The following SURF6 variants were observed in gnomAD, a reference collection of about 807,000 sequenced individuals.
SURF6 encodes the protein surfeit 6.
A neutral mutation model predicts 37.5 loss-of-function variants in SURF6; 28 were observed. The observed-to-expected ratio is 0.75, with a 90% CI of 0.55 to 1.02. SURF6 has a LOEUF of 1.02. Among genes scored for constraint, SURF6 ranks in the 50% least tolerant of loss-of-function variants. The pLI, the probability that SURF6 is intolerant of heterozygous loss-of-function variation, is 0.00. For missense variants in SURF6, 560 were observed against 490.5 expected, an observed-to-expected ratio of 1.14 and a Z score of -1.34; for synonymous variants, 248 against 210.9, an observed-to-expected ratio of 1.18 and a Z score of -1.52.
At chr9:133,334,957 T>C (rs1835836449) in intron 1 of SURF6, among the ~76,000 whole-genome samples, 2 of 152,308 alleles carry the variant, frequency 1.3e-5, no homozygotes, top group African/African-American at 2.4e-5. Flanking sequence ...CTGGGGGTTA[T>C]GTTTACATTT....
At position 133,332,230 on chromosome 9, in the gene SURF6, C is replaced by A. The variant is rs782459268; in HGVS notation, c.725G>T (p.Arg242Leu). ...CAGCCGGCTCTGCCGTGCCTGCAGG[C>A]GCTCCAGCAGCTGCCGGTAGTTCCT... ...TGRNYRQLLE[R>L]LQARQSRLDE... Residue 242 changes from arginine (R) to leucine (L), a missense_variant, in exon 5 of 5, where the codon CGC becomes CTC. Physicochemically the swap from Arg to Leu is moderately radical, Grantham distance 102 (BLOSUM62 -2). Transcript: ENST00000372022. 1 of 1,606,308 alleles carries A rather than the reference C, an allele frequency of 6.2e-7. No individual in the cohort carries two copies. Among genetic ancestry groups the A allele is most frequent in the Non-Finnish European group, 8.5e-7 (1 of 1,179,888 alleles).
At chr9:133,335,464 G>T (rs1417559117) in intron 1 of SURF6, among the ~76,000 whole-genome samples, 1 of 152,046 alleles carries the variant, frequency 6.6e-6, no homozygotes, top group East Asian at 1.9e-4. Flanking sequence ...ACCTCTGGTG[G>T]TTCCAGAGAC....
chr9:133,332,559 T>C lies in SURF6; in HGVS notation c.595A>G (p.Ile199Val), dbSNP rs2129919008. ...CAGCTCCCGCTCACCTTATTGAAGA[T>C]CAGCCCGGGCGGCTCCCGCGGCTCC... ...CTEPREPPGL[I>V]FNKVEVSEDE... The change falls in exon 4 of 5, where the codon ATC (isoleucine) becomes GTC (valine). Residue 199 changes from isoleucine to valine, a missense_variant. Ile to Val is a conservative substitution (Grantham distance 29). Coordinates refer to ENST00000372022, the MANE Select transcript of SURF6 (RefSeq NM_006753.6). 42 of 1,608,656 alleles carry C rather than the reference T, an allele frequency of 2.6e-5. No homozygotes were observed. The highest frequency in any genetic ancestry group is 3.5e-5 in the Non-Finnish European group (41 of 1,179,824).
At position 133,332,614 on chromosome 9, in the gene SURF6, C is replaced by T. The variant is rs2129920046; in HGVS notation, c.540G>A (p.Val180=). The change falls in exon 4 of 5, where the codon GTG becomes GTA. Residue 180 remains valine, a synonymous_variant. Transcript: ENST00000372022. ...KAEEATEAQE[V]VEATPEGACT... is the part of the protein sequence containing the mutation. ...AGGCCCCCTCTGGGGTTGCCTCCAC[C>T]ACCTCCTGGGCCTCCGTGGCCTCCT... 6.2e-7 allele frequency: 1 copy of T among 1,610,858 alleles called. No individual in the cohort carries two copies. Among genetic ancestry groups the T allele is most frequent in the South Asian group, 1.1e-5 (1 of 91,074 alleles).
At chr9:133,335,307 G>A (rs1237195492) in intron 1 of SURF6, among the ~76,000 whole-genome samples, 1 of 142,242 alleles carries the variant, frequency 7.0e-6, no homozygotes, top group African/African-American at 2.7e-5. Flanking sequence ...AGTAGGAGCT[G>A]AATCGTTTTA....
intron 3 of SURF6, 111 bp downstream of exon 3, chr9:133,333,607 C>T (rs1159182206): frequency 5.1e-6 from 5 of 980,234 alleles, no homozygotes; most frequent in Non-Finnish European, 6.3e-6. Context: ...TGGGGCCCTG[C>T]CAGACTCGCT....
rs2129905697 is a variant in SURF6, at chr9:133,330,260, A to C, written c.*1609T>G. On this transcript the variant is annotated 3_prime_UTR_variant, in exon 5 of 5. Coordinates refer to ENST00000372022, the MANE Select transcript of SURF6 (RefSeq NM_006753.6). ...AAATCTTAAATTTTTTCTTTTTGAG[A>C]CAGTCTTGCTCTGTCACCCAGGCTG... 7 of 151,926 alleles carry C rather than the reference A, an allele frequency of 4.6e-5. No individual in the cohort carries two copies. The highest frequency in any genetic ancestry group is 1.7e-4 in the African/African-American group (7 of 41,342). 9.4% of individuals were successfully genotyped at this position (151,926 alleles called of 1,614,324 possible). A position where few individuals can be genotyped will look rare whatever the true frequency, so the allele number is the denominator to read the frequency against.
chr9:133,330,133 TAC>T lies in SURF6; in HGVS notation c.*1734_*1735del, dbSNP rs1447704181. ...GCTTATTTTTCTTTAGCTTTAAAAA[TAC>T]AGACATACAGCGTATGTGTGTATAA... is the stretch of plus-strand genomic sequence containing the variant. On this transcript the variant is annotated 3_prime_UTR_variant, in exon 5 of 5. Transcript: ENST00000372022. 6.6e-6 allele frequency: 1 copy of T among 152,266 alleles called. No individual in the cohort carries two copies. 9.4% of individuals were successfully genotyped at this position (152,266 alleles called of 1,614,324 possible).
Position 133,333,873 on chromosome 9 carries a change from G to A in SURF6, c.305-67C>T, listed in dbSNP as rs922975686. 15 of 1,352,560 alleles carry A rather than the reference G, an allele frequency of 1.1e-5. No homozygotes were observed. In the African/African-American group the frequency reaches 1.3e-4, roughly 12 times the overall value. The allele number at this position is 1,352,560 out of a possible 1,614,324, so 83.8% of individuals were successfully genotyped here. Reference sequence around the variant, plus strand: ...CCTCCCCCTCCCTCCCTAGGGCCACGAATCCCTGTCCCACTGTGGCCACTC... The same window carrying A: ...CCTCCCCCTCCCTCCCTAGGGCCACAAATCCCTGTCCCACTGTGGCCACTC... On this transcript the variant is annotated intron_variant, in intron 2 of 4. Transcript: ENST00000372022.
intron 1 of SURF6, among the ~76,000 whole-genome samples, chr9:133,334,994 C>T (rs1588673312): frequency 6.6e-6 from 1 of 152,158 alleles, no homozygotes; most frequent in Non-Finnish European, 1.5e-5. Context: ...GAGTCTCAAT[C>T]TGTTCCCCAA....
Position 133,332,331 on chromosome 9 carries a change from G to T in SURF6, c.624C>A (p.Asp208Glu). The change falls in exon 5 of 5, where the codon GAC becomes GAA. Residue 208 changes from aspartate to glutamate, a missense_variant. Asp to Glu is a conservative substitution (Grantham distance 45). Transcript: ENST00000372022. ...TGCGCTGCGCCTTGCTGGCCGGCTC[G>T]TCTTCGCTCACCTCCACCTGGGAGG... ...LIFNKVEVSEDEPASKAQRRK... is the reference protein window; with the variant it reads ...LIFNKVEVSEEEPASKAQRRK... 1 of 1,582,252 alleles carries T rather than the reference G, an allele frequency of 6.3e-7. No individual in the cohort carries two copies.
In SURF6 at chr9:133,331,511, G is replaced by A. The variant is rs1318954384; in HGVS notation, c.*358C>T. 2.0e-5 allele frequency: 5 copies of A among 246,236 alleles called. No individual in the cohort carries two copies. The highest frequency in any genetic ancestry group is 3.4e-4 in the South Asian group (2 of 5,940). The allele number at this position is 246,236 out of a possible 1,614,324, so 15.3% of individuals were successfully genotyped here. A position where few individuals can be genotyped will look rare whatever the true frequency, so the allele number is the denominator to read the frequency against. ...CCGTCTTCTGTCCCGTGGCTCCTGC[G>A]AACACAGGCAGTGGGGAACAGGCAG... On this transcript the variant is annotated 3_prime_UTR_variant, in exon 5 of 5. Coordinates refer to ENST00000372022, the MANE Select transcript of SURF6 (RefSeq NM_006753.6).
In SURF6 at chr9:133,334,577, G is replaced by T; in HGVS notation, c.119C>A (p.Thr40Asn). The T allele has an allele frequency of 6.2e-7, 1 of 1,611,014 alleles. No individual in the cohort carries two copies. The change falls in exon 2 of 5, where the codon ACT (threonine) becomes AAT (asparagine). Residue 40 changes from threonine to asparagine, a missense_variant. Thr to Asn is a moderately conservative substitution (Grantham distance 65, BLOSUM62 0). Coordinates refer to ENST00000372022, the MANE Select transcript of SURF6 (RefSeq NM_006753.6). ...TRAGKTQGSE[T>N]AGPPKKKRKK... is the part of the protein sequence containing the mutation. ...CCTTTTCTTTTTTGGGGGCCCTGCA[G>T]TTTCTGAGCCTTGAGTTTTGCCAGC...
At chr9:133,333,685 A>C (rs782330989) in intron 3 of SURF6, 33 bp downstream of exon 3, 1 of 1,597,464 alleles carries the variant, frequency 6.3e-7, no homozygotes, top group South Asian at 1.1e-5. Context: ...CAGGCAGAGC[A>C]GTGACGGCAC....
Position 133,329,489 on chromosome 9 carries a change from G to T in SURF6, c.*2380C>A. On this transcript the variant is annotated 3_prime_UTR_variant, in exon 5 of 5. Coordinates refer to ENST00000372022, the MANE Select transcript of SURF6 (RefSeq NM_006753.6). ...TAGACCATGGTCCACCTGGCAACGGGCGTCTTCCCAGACGCTGGCGTCACC... is the reference window on the plus strand; with the variant it reads ...TAGACCATGGTCCACCTGGCAACGGTCGTCTTCCCAGACGCTGGCGTCACC... The T allele has an allele frequency of 4.1e-6, 1 of 243,626 alleles. No homozygotes were observed. Among genetic ancestry groups the T allele is most frequent in the Non-Finnish European group, 8.2e-6 (1 of 121,588 alleles). 15.1% of individuals were successfully genotyped at this position (243,626 alleles called of 1,614,324 possible). A position where few individuals can be genotyped will look rare whatever the true frequency, so the allele number is the denominator to read the frequency against.
chr9:133,332,310 C>G lies in SURF6; in HGVS notation c.645G>C (p.Gln215His), dbSNP rs1200027757. The G allele has an allele frequency of 2.5e-6, 4 of 1,592,082 alleles. No homozygotes were observed. The African/African-American group carries it at 5.4e-5, about 21-fold the overall frequency. The change falls in exon 5 of 5, where the codon CAG (glutamine) becomes CAC (histidine). Residue 215 changes from glutamine (Q) to histidine (H), a missense_variant. By Grantham distance (24) the Gln-to-His change is conservative. Transcript: ENST00000372022. ...CCCTCTGCCTCTTCTCTTTTCTGCG[C>G]TGCGCCTTGCTGGCCGGCTCGTCTT... ...VSEDEPASKA[Q>H]RRKEKRQRVK...
In SURF6 at chr9:133,332,570, G is replaced by A. The variant is rs2129919319; in HGVS notation, c.584C>T (p.Pro195Leu). 63 of 1,608,776 alleles carry A rather than the reference G, an allele frequency of 3.9e-5. No homozygotes were observed. Among genetic ancestry groups the A allele is most frequent in the African/African-American group, 2.0e-4 (15 of 75,056 alleles). Residue 195 changes from proline to leucine, a missense_variant, in exon 4 of 5, where the codon CCG becomes CTG. By Grantham distance (98) the Pro-to-Leu change is moderately conservative. Coordinates refer to ENST00000372022, the MANE Select transcript of SURF6 (RefSeq NM_006753.6). ...PEGACTEPRE[P>L]PGLIFNKVEV... ...CACCTTATTGAAGATCAGCCCGGGC[G>A]GCTCCCGCGGCTCCGTGCAGGCCCC...
At position 133,332,178 on chromosome 9, in the gene SURF6, C is replaced by G. The variant is rs2129915899; in HGVS notation, c.777G>C (p.Gly259=). The G allele has an allele frequency of 2.5e-6, 4 of 1,610,308 alleles. No individual in the cohort carries two copies. The highest frequency in any genetic ancestry group is 3.4e-6 in the Non-Finnish European group (4 of 1,179,944). Reference sequence around the variant, plus strand: ...TCTTCGCCTCCAGCTCCTGCGCCTTCCCCTCATCCTGGCCGCGCAGCTCGT... The same window carrying G: ...TCTTCGCCTCCAGCTCCTGCGCCTTGCCCTCATCCTGGCCGCGCAGCTCGT... The part of the protein sequence containing the change: ...RLDELRGQDE[G]KAQELEAKMK... Residue 259 remains glycine (G), a synonymous_variant, in exon 5 of 5, where the codon GGG becomes GGC. Coordinates refer to ENST00000372022, the MANE Select transcript of SURF6 (RefSeq NM_006753.6).
chr9:133,334,542 G>A lies in SURF6; in HGVS notation c.154C>T (p.Gln52Ter). 6.2e-7 allele frequency: 1 copy of A among 1,613,706 alleles called. No homozygotes were observed. The change falls in exon 2 of 5, where the codon CAA becomes TAA. Residue 52 changes from glutamine to a stop codon, truncating the protein, a stop_gained. Coordinates refer to ENST00000372022, the MANE Select transcript of SURF6 (RefSeq NM_006753.6). LOFTEE classifies it high-confidence loss of function. The part of the protein sequence containing the change: ...GPPKKKRKKT[Q>*]KKFRKREEKA... ...TCTTCTCGCTTCCGGAATTTCTTTTGTGTTTTCTTCCTTTTCTTTTTTGGG... is the reference window on the plus strand; with the variant it reads ...TCTTCTCGCTTCCGGAATTTCTTTTATGTTTTCTTCCTTTTCTTTTTTGGG...
Sources: allele counts gnomAD v4.1 joint callset (sites outside exome capture counted in the v4.1 genomes callset), GRCh38; gene constraint gnomAD v4.1.1; transcripts MANE v1.5; gene names NCBI Gene and HGNC (gene_info 2026-07-23, HGNC 2026-07-21).